The following RIMS2 variants were observed in gnomAD, a reference collection of about 807,000 sequenced individuals.
The protein encoded by RIMS2 is regulating synaptic membrane exocytosis 2, also known as regulating synaptic membrane exocytosis protein 2.
A neutral mutation model predicts 174.4 loss-of-function variants in RIMS2; 59 were observed. The observed-to-expected ratio is 0.34, with a 90% CI of 0.27 to 0.42. RIMS2 has a LOEUF of 0.42. Ranked by LOEUF, RIMS2 falls within the 10% of genes least tolerant of loss-of-function variation. The pLI is 1.00. For synonymous variants in RIMS2, 606 were observed against 572.5 expected (o/e 1.06, Z -0.84); for missense variants, 1,620 against 1,666.3 (o/e 0.97, Z 0.48).
chr8:103,803,724 G>A (rs906086875), intron 3 of RIMS2, among the ~76,000 whole-genome samples: 1 of 152,148 alleles, frequency 6.6e-6, no homozygotes. Context: ...TTCTTCTGCT[G>A]GTTTAGAAGT....
chr8:104,030,538 C>G (rs1233386553), intron 19 of RIMS2, among the ~76,000 whole-genome samples: 3 of 152,162 alleles, frequency 2.0e-5, no homozygotes, highest in Admixed American at 2.0e-4. Flanking sequence ...CTTCCCATCT[C>G]CATTACTACT....
In RIMS2 at chr8:104,050,456, A is replaced by C. The variant is rs1194827428; in HGVS notation, c.3334+35841A>C. Among the ~76,000 whole-genome samples the C allele has an allele frequency of 2.6e-5, 4 of 152,146 alleles. No individual in the cohort carries two copies. The East Asian group carries it at 7.7e-4, about 29-fold the overall frequency. Reference sequence around the variant, plus strand: ...TTGATGGAATAATCCAGGAAGTCTTATCTAAGGAGGTGATGTTTGAACTAA... The same window carrying C: ...TTGATGGAATAATCCAGGAAGTCTTCTCTAAGGAGGTGATGTTTGAACTAA... On this transcript the variant is annotated intron_variant, in intron 19 of 23. Transcript: ENST00000504942.
At chr8:104,210,613 G>T (rs925904537) in intron 19 of RIMS2, among the ~76,000 whole-genome samples, 4 of 151,978 alleles carry the variant, frequency 2.6e-5, no homozygotes, top group Admixed American at 2.0e-4. Flanking sequence ...GACCCTTTTG[G>T]GAGTGCCATA....
intron 3 of RIMS2, among the ~76,000 whole-genome samples, chr8:103,805,297 A>G (rs78250514): frequency 2.6e-5 from 4 of 152,134 alleles, no homozygotes; most frequent in Non-Finnish European, 5.9e-5. Flanking sequence ...CACTATTGTC[A>G]TAAGATTTGG....
intron 1 of RIMS2, among the ~76,000 whole-genome samples, chr8:103,614,248 G>A (rs1430967759): frequency 6.6e-6 from 1 of 152,246 alleles, no homozygotes; most frequent in Non-Finnish European, 1.5e-5. Flanking sequence ...GCCAGGTCTG[G>A]TCCGTTTGCT....
intron 4 of RIMS2, among the ~76,000 whole-genome samples, chr8:103,892,757 G>C (rs544498693): frequency 6.6e-6 from 1 of 152,078 alleles, no homozygotes; most frequent in Admixed American, 6.6e-5. Context: ...TAATTGGCCT[G>C]CCTTGGCCTC....
chr8:103,568,310 G>A (rs2092537358), intron 1 of RIMS2, among the ~76,000 whole-genome samples: 1 of 151,744 alleles, frequency 6.6e-6, no homozygotes, highest in Admixed American at 6.6e-5. Context: ...AATAAAATAA[G>A]AATAAAATAA....
At chr8:103,508,696 CATT>C (rs1824940823) in intron 1 of RIMS2, among the ~76,000 whole-genome samples, 1 of 152,036 alleles carries the variant, frequency 6.6e-6, no homozygotes, top group Non-Finnish European at 1.5e-5. Context: ...AAACCACTCT[CATT>C]TAATAGATTG....
At chr8:103,938,655 AAGTCCAG>A (rs1041161042) in intron 13 of RIMS2, among the ~76,000 whole-genome samples, 7 of 152,184 alleles carry the variant, frequency 4.6e-5, no homozygotes, top group East Asian at 1.9e-4. Context: ...ATTAACTCAA[AAGTCCAG>A]AGTCCAGAGT....
chr8:103,995,074 A>G (rs1045063546), intron 17 of RIMS2, among the ~76,000 whole-genome samples: 1 of 152,102 alleles, frequency 6.6e-6, no homozygotes, highest in Non-Finnish European at 1.5e-5. Flanking sequence ...TCATAAAGCT[A>G]TGTATACTTT....
intron 3 of RIMS2, among the ~76,000 whole-genome samples, chr8:103,816,184 A>G (rs973764184): frequency 2.6e-5 from 4 of 152,176 alleles, no homozygotes; most frequent in African/African-American, 9.6e-5. Context: ...GATTGCAAAT[A>G]TTGGTTACTC....
intron 19 of RIMS2, among the ~76,000 whole-genome samples, chr8:104,228,440 C>G (rs2099203406): frequency 6.6e-6 from 1 of 152,014 alleles, no homozygotes; most frequent in Non-Finnish European, 1.5e-5. Context: ...ATAATCAGTC[C>G]CATTTGATTA....
rs146611921 is a variant in RIMS2, at chr8:103,526,232, T to C, written c.176+25170T>C. 1.2e-4 allele frequency among the ~76,000 whole-genome samples: 19 copies of C among 152,292 alleles called. No individual in the cohort carries two copies. In the East Asian group the frequency reaches 3.7e-3, roughly 29 times the overall value. On this transcript the variant is annotated intron_variant, in intron 1 of 23. Transcript: ENST00000504942. ...TAAGGATGAGCTGCGAATTGAATGGTCCACATACAGAGGAAAACCAGTTTA... is the reference window on the plus strand; with the variant it reads ...TAAGGATGAGCTGCGAATTGAATGGCCCACATACAGAGGAAAACCAGTTTA...
Position 103,947,470 on chromosome 8 carries a change from A to G in RIMS2, c.2701+4544A>G, listed in dbSNP as rs566939500. Among the ~76,000 whole-genome samples, 3 of 152,320 alleles carry G rather than the reference A, an allele frequency of 2.0e-5. No individual in the cohort carries two copies. In the South Asian group the frequency reaches 6.2e-4, roughly 32 times the overall value. On this transcript the variant is annotated intron_variant, in intron 14 of 23. Coordinates refer to ENST00000504942, the Ensembl canonical transcript of RIMS2. ...CTATACACCTCAGCAATGTGTTATA[A>G]TCTGTTGCTTGTAGGCTACAAACCT...
chr8:103,924,538 T>G (rs2078354067), intron 10 of RIMS2, among the ~76,000 whole-genome samples: 1 of 151,652 alleles, frequency 6.6e-6, no homozygotes, highest in Non-Finnish European at 1.5e-5. Flanking sequence ...TAAACCAACA[T>G]GACAATTCCT....
At chr8:103,900,502 A>G (rs1364245830) in intron 4 of RIMS2, among the ~76,000 whole-genome samples, 1 of 152,136 alleles carries the variant, frequency 6.6e-6, no homozygotes, top group Non-Finnish European at 1.5e-5. Context: ...AATACCAAGT[A>G]TGTCTATATG....
chr8:103,839,885 T>C (rs982752648), intron 3 of RIMS2, among the ~76,000 whole-genome samples: 2 of 152,152 alleles, frequency 1.3e-5, no homozygotes, highest in African/African-American at 4.8e-5. Context: ...AAAAACAAAA[T>C]TCTAGCTGTC....
chr8:103,620,232 A>T (rs1198748788), intron 1 of RIMS2, among the ~76,000 whole-genome samples: 1 of 152,174 alleles, frequency 6.6e-6, no homozygotes, highest in Non-Finnish European at 1.5e-5. Context: ...TCAATGTGAA[A>T]TTGTTTTTCC....
chr8:104,244,622 T>A (rs974295883), intron 19 of RIMS2, among the ~76,000 whole-genome samples: 1 of 152,084 alleles, frequency 6.6e-6, no homozygotes, highest in South Asian at 2.1e-4. Flanking sequence ...ATAAGGCTTA[T>A]TTTTTTTCCT....
Sources: allele counts gnomAD v4.1 joint callset (sites outside exome capture counted in the v4.1 genomes callset), GRCh38; gene constraint gnomAD v4.1.1; transcripts MANE v1.5; gene names NCBI Gene and HGNC (gene_info 2026-07-23, HGNC 2026-07-21).